Variants in CALD1 observed in about 807,000 individuals in gnomAD.
The protein encoded by CALD1 is caldesmon 1.
Under a neutral mutation model 99.9 loss-of-function variants are expected in CALD1, and 33 were observed. That is an observed-to-expected ratio of 0.33 (90% confidence interval 0.25 to 0.44). The LOEUF (loss-of-function observed/expected upper bound fraction) is 0.44, where lower values mean the gene tolerates loss of function less well. Among genes scored for constraint, CALD1 ranks in the 20% least tolerant of loss-of-function variants. CALD1 has a pLI of 1.00. For synonymous variants in CALD1, 310 were observed against 325.0 expected, an observed-to-expected ratio of 0.95 and a Z score of 0.50; for missense variants, 861 against 962.1, an observed-to-expected ratio of 0.89 and a Z score of 1.39.
chr7:134,917,183 A>T (rs950872413), intron 3 of CALD1, among the ~76,000 whole-genome samples: 1 of 152,158 alleles, frequency 6.6e-6, no homozygotes, highest in Non-Finnish European at 1.5e-5. Flanking sequence ...ACTTTTTTTA[A>T]ACGACTAAGC....
intron 1 of CALD1, among the ~76,000 whole-genome samples, chr7:134,814,246 A>G (rs1380635804): frequency 6.6e-6 from 1 of 152,210 alleles, no homozygotes; most frequent in Non-Finnish European, 1.5e-5. Flanking sequence ...AGTATAGAGC[A>G]TGAAGTTGCA....
chr7:134,798,615 C>T (rs1033975004), intron 1 of CALD1, among the ~76,000 whole-genome samples: 5 of 152,190 alleles, frequency 3.3e-5, no homozygotes, highest in African/African-American at 1.2e-4. Flanking sequence ...GATCTAAAGA[C>T]TTTGGCCAGT....
At chr7:134,927,594 CAT>C (rs1240857829) in intron 3 of CALD1, among the ~76,000 whole-genome samples, 1 of 141,034 alleles carries the variant, frequency 7.1e-6, no homozygotes, top group Non-Finnish European at 1.5e-5. Flanking sequence ...AATATATACA[CAT>C]GTGAAGTCCT....
At chr7:134,767,943 T>C (rs1290040069) in intron 1 of CALD1, among the ~76,000 whole-genome samples, 1 of 152,216 alleles carries the variant, frequency 6.6e-6, no homozygotes, top group Non-Finnish European at 1.5e-5. Context: ...CTGAGAAAAC[T>C]CTAGCCACAG....
chr7:134,805,177 T>A lies in CALD1; in HGVS notation c.-130+25428T>A, dbSNP rs147658792. 7.9e-5 allele frequency among the ~76,000 whole-genome samples: 12 copies of A among 152,276 alleles called. No homozygotes were observed. The East Asian group carries it at 2.3e-3, about 29-fold the overall frequency. On this transcript the variant is annotated intron_variant, in intron 1 of 14. Transcript: ENST00000361675. ...AAAAACACATCTTATAGTTAGAAAT[T>A]TTCTTATATAATTTTGGTGATAATT... is the stretch of plus-strand genomic sequence containing the variant.
At chr7:134,892,934 G>A (rs1009055489) in intron 3 of CALD1, among the ~76,000 whole-genome samples, 3 of 150,496 alleles carry the variant, frequency 2.0e-5, no homozygotes, top group Non-Finnish European at 2.9e-5. Context: ...AGGTCTCCAT[G>A]GAATAGTTCA....
chr7:134,964,546 CCTGCCCCTGG>C (rs1808525144), intron 13 of CALD1, among the ~76,000 whole-genome samples: 1 of 152,090 alleles, frequency 6.6e-6, no homozygotes, highest in Non-Finnish European at 1.5e-5. Context: ...AACTTTCCAG[CCTGCCCCTGG>C]GCAGGCAAAT....
At chr7:134,944,129 A>C (rs1341400002) in intron 7 of CALD1, among the ~76,000 whole-genome samples, 1 of 152,196 alleles carries the variant, frequency 6.6e-6, no homozygotes, top group Non-Finnish European at 1.5e-5. Context: ...GAGGAGTCAC[A>C]GGCCTGTGAA....
rs1189484525 is a variant in CALD1, at chr7:134,817,504, T to C, written c.-129-26380T>C. ...AACGTTATTCAGGTAAGAAGGTCTT[T>C]TTAAAACAAGAAATAATTCATTACA... On this transcript the variant is annotated intron_variant, in intron 1 of 14. Coordinates refer to ENST00000361675, the MANE Select transcript of CALD1 (RefSeq NM_033138.4). 2.0e-5 allele frequency among the ~76,000 whole-genome samples: 3 copies of C among 152,150 alleles called. No homozygotes were observed. The South Asian group carries it at 6.2e-4, about 32-fold the overall frequency.
intron 2 of CALD1, among the ~76,000 whole-genome samples, chr7:134,846,126 A>G (rs1722673489): frequency 6.6e-6 from 1 of 152,182 alleles, no homozygotes; most frequent in African/African-American, 2.4e-5. Flanking sequence ...AGCTGATCAG[A>G]ATGGACAGGA....
chr7:134,779,286 T>C (rs1797011764), upstream of CALD1: 1 of 174,580 alleles, frequency 5.7e-6, no homozygotes, highest in Non-Finnish European at 1.2e-5. Flanking sequence ...TAACATTTCT[T>C]ATGATTGTTC....
chr7:134,914,487 C>G (rs768503963), intron 3 of CALD1, among the ~76,000 whole-genome samples: 4 of 152,148 alleles, frequency 2.6e-5, no homozygotes, highest in Non-Finnish European at 4.4e-5. Flanking sequence ...GCTGCCCTTC[C>G]GGGACTCCCT....
chr7:134,887,210 C>A (rs747586887), intron 3 of CALD1, among the ~76,000 whole-genome samples: 2 of 152,102 alleles, frequency 1.3e-5, no homozygotes, highest in Admixed American at 6.5e-5. Context: ...GATCACAGGA[C>A]ATGACAGAGC....
At chr7:134,717,621 C>T in the CALD1 span, among the ~76,000 whole-genome samples, 10 of 152,322 alleles carry the variant, frequency 6.6e-5, no homozygotes, top group African/African-American at 2.2e-4. Flanking sequence ...AGCATTCGCC[C>T]GCCTCCCTGT....
chr7:134,959,748 C>T (rs1584681353), intron 11 of CALD1, among the ~76,000 whole-genome samples: 1 of 152,136 alleles, frequency 6.6e-6, no homozygotes, highest in African/African-American at 2.4e-5. Context: ...CAACAAAAAG[C>T]ATATTTCATT....
At chr7:134,871,151 T>A (rs1801054702) in intron 3 of CALD1, among the ~76,000 whole-genome samples, 1 of 152,220 alleles carries the variant, frequency 6.6e-6, no homozygotes, top group Non-Finnish European at 1.5e-5. Context: ...AATTTTTTTC[T>A]CGCTTTTGGT....
intron 1 of CALD1, among the ~76,000 whole-genome samples, chr7:134,794,530 G>A (rs1422277749): frequency 3.9e-5 from 6 of 152,150 alleles, no homozygotes; most frequent in East Asian, 1.9e-4. Context: ...TCTGTCGCCC[G>A]GGCTGGAGTG....
chr7:134,739,816 G>C (rs1796577478), upstream of CALD1, among the ~76,000 whole-genome samples: 1 of 151,898 alleles, frequency 6.6e-6, no homozygotes, highest in Admixed American at 6.6e-5. Context: ...TCTTTGTTGA[G>C]GCAGGCAAAT....
chr7:134,909,371 G>A (rs994140928), intron 3 of CALD1, among the ~76,000 whole-genome samples: 5 of 152,226 alleles, frequency 3.3e-5, no homozygotes, highest in African/African-American at 1.2e-4. Context: ...TACCAAGGAA[G>A]AAGGCCATTT....
Sources: allele counts gnomAD v4.1 joint callset (sites outside exome capture counted in the v4.1 genomes callset), GRCh38; gene constraint gnomAD v4.1.1; transcripts MANE v1.5; gene names NCBI Gene and HGNC (gene_info 2026-07-23, HGNC 2026-07-21).